Variants in TEAD1 observed in about 807,000 individuals in gnomAD.
TEAD1 encodes transcriptional enhancer factor TEF-1.
In TEAD1, 9 loss-of-function variants were observed where a neutral mutation model predicts 54.9. That is an observed-to-expected ratio of 0.16 (90% CI 0.10 to 0.29). The LOEUF (loss-of-function observed/expected upper bound fraction) is 0.29. Among genes scored for constraint, TEAD1 ranks in the 10% least tolerant of loss-of-function variants. The probability of loss-of-function intolerance (pLI) is 1.00; values close to 1 mark genes in which losing one functional copy is unlikely to be tolerated. For synonymous variants in TEAD1, 200 were observed against 187.8 expected (o/e 1.07, Z -0.53); for missense variants, 387 against 535.9 (o/e 0.72, Z 2.74).
chr11:12,834,462 G>A (rs1650380528), intron 3 of TEAD1, among the ~76,000 whole-genome samples: 1 of 152,154 alleles, frequency 6.6e-6, no homozygotes, highest in African/African-American at 2.4e-5. Context: ...TTGGTCTGAG[G>A]CTGTTTCCTC....
chr11:12,857,537 G>A (rs191663050), intron 3 of TEAD1, among the ~76,000 whole-genome samples: 19 of 151,120 alleles, frequency 1.3e-4, no homozygotes, highest in Non-Finnish European at 2.2e-4. Flanking sequence ...CATTTTTGTA[G>A]CATCAGGTTT....
At chr11:12,696,316 G>A (rs758321434) in intron 2 of TEAD1, among the ~76,000 whole-genome samples, 3 of 152,212 alleles carry the variant, frequency 2.0e-5, no homozygotes, top group Non-Finnish European at 4.4e-5. Context: ...GCCAAGTTGA[G>A]TTAAACTCTG....
At chr11:12,874,061 A>G (rs1038824010) in intron 5 of TEAD1, among the ~76,000 whole-genome samples, 15 of 152,230 alleles carry the variant, frequency 9.9e-5, no homozygotes, top group Non-Finnish European at 4.4e-5. Flanking sequence ...TTCTATATGA[A>G]TAAATTACAT....
At chr11:12,717,416 C>T (rs1336060064) in intron 2 of TEAD1, among the ~76,000 whole-genome samples, 1 of 152,156 alleles carries the variant, frequency 6.6e-6, no homozygotes, top group Non-Finnish European at 1.5e-5. Context: ...AGAAGATGTG[C>T]TGTGTAAGGT....
intron 2 of TEAD1, among the ~76,000 whole-genome samples, chr11:12,693,314 A>G (rs577564884): frequency 5.0e-4 from 76 of 152,360 alleles, no homozygotes; most frequent in South Asian, 1.9e-3. Context: ...GCAGAGGATG[A>G]TTTAAGAGAA....
intron 3 of TEAD1, among the ~76,000 whole-genome samples, chr11:12,765,250 A>G (rs1487696508): frequency 1.3e-5 from 2 of 152,162 alleles, no homozygotes; most frequent in African/African-American, 2.4e-5. Flanking sequence ...ACTTCCTTCC[A>G]TAAATGCTTC....
chr11:12,749,294 T>C (rs954952499), intron 2 of TEAD1, among the ~76,000 whole-genome samples: 2 of 152,148 alleles, frequency 1.3e-5, no homozygotes, highest in Admixed American at 6.5e-5. Flanking sequence ...TAATTGGAAA[T>C]GGATTACATT....
chr11:12,896,778 A>C (rs1948322214), intron 9 of TEAD1, among the ~76,000 whole-genome samples: 1 of 152,204 alleles, frequency 6.6e-6, no homozygotes, highest in African/African-American at 2.4e-5. Context: ...TCGAGGTAAT[A>C]AGCTTGCTCT....
At chr11:12,856,848 G>T (rs1339624524) in intron 3 of TEAD1, among the ~76,000 whole-genome samples, 1 of 152,118 alleles carries the variant, frequency 6.6e-6, no homozygotes, top group Non-Finnish European at 1.5e-5. Flanking sequence ...CACGGCCAGG[G>T]AAGAGAAGCA....
At chr11:12,722,649 CTTT>C (rs5789737) in intron 2 of TEAD1, among the ~76,000 whole-genome samples, 6,254 of 140,124 alleles carry the variant, frequency 0.045, 463 homozygotes, top group African/African-American at 0.15. Flanking sequence ...CTCTCTCTTT[CTTT>C]TTTTTTTTTT....
rs111781492 is a variant in TEAD1, at chr11:12,705,543, G to C, written c.-55+29982G>C. On this transcript the variant is annotated intron_variant, in intron 2 of 12. Coordinates refer to ENST00000527636, the MANE Select transcript of TEAD1 (RefSeq NM_021961.6). The stretch of plus-strand genomic sequence containing the variant: ...GTGAGTTTATGCCAGGCAAACATGA[G>C]TAAAACCAATTCCTTCCAACACTTG... Among the ~76,000 whole-genome samples the C allele has an allele frequency of 5.2e-3, 787 of 152,136 alleles. 8 individuals carry two copies. The highest frequency in any genetic ancestry group is 0.018 in the African/African-American group (743 of 41,480).
At chr11:12,851,291 T>C (rs73427629) in intron 3 of TEAD1, among the ~76,000 whole-genome samples, 5,292 of 152,276 alleles carry the variant, frequency 0.035, 340 homozygotes, top group African/African-American at 0.12. Context: ...GTAGCAGATA[T>C]GCGTCTAGAG....
intron 3 of TEAD1, among the ~76,000 whole-genome samples, chr11:12,775,250 CT>C (rs1300006316): frequency 1.2e-4 from 18 of 152,070 alleles, no homozygotes; most frequent in Non-Finnish European, 2.2e-4. Flanking sequence ...CCAGGGCAGA[CT>C]TTTAGAGATC....
Position 12,937,158 on chromosome 11 carries a change from T to A in TEAD1, c.1217T>A (p.Val406Glu). ...GAAACTCTACTCTGCATGGCCTGTG[T>A]GTTTGAAGTTTCAAATAGTGAACAC... The change falls in exon 13 of 13, where the codon GTG (valine) becomes GAG (glutamate). Residue 406 changes from valine to glutamate, a missense_variant. By Grantham distance (121) the Val-to-Glu change is moderately radical (BLOSUM62 -2). Around this residue, in one of 5 missense-constraint regions of TEAD1, gnomAD observed 123 missense variants for 199.0 expected, o/e 0.62. Transcript: ENST00000527636. 6.2e-7 allele frequency: 1 copy of A among 1,614,090 alleles called. No homozygotes were observed. Among genetic ancestry groups the A allele is most frequent in the Non-Finnish European group, 8.5e-7 (1 of 1,180,000 alleles).
chr11:12,915,975 T>A (rs1948705011), intron 10 of TEAD1, among the ~76,000 whole-genome samples: 1 of 152,218 alleles, frequency 6.6e-6, no homozygotes, highest in Non-Finnish European at 1.5e-5. Context: ...AGAAGGATGA[T>A]TTGGGAAAGA....
At chr11:12,899,162 T>C (rs1948374729) in intron 9 of TEAD1, among the ~76,000 whole-genome samples, 1 of 152,116 alleles carries the variant, frequency 6.6e-6, no homozygotes, top group African/African-American at 2.4e-5. Flanking sequence ...TCTCATGCCT[T>C]CCATAAACTC....
chr11:12,892,886 A>T (rs947802061), intron 9 of TEAD1, among the ~76,000 whole-genome samples: 1 of 152,146 alleles, frequency 6.6e-6, no homozygotes, highest in Non-Finnish European at 1.5e-5. Context: ...CCTGTAATTC[A>T]GGGCTTGGAA....
chr11:12,906,106 A>G (rs1948513531), intron 10 of TEAD1, among the ~76,000 whole-genome samples: 1 of 152,114 alleles, frequency 6.6e-6, no homozygotes, highest in Non-Finnish European at 1.5e-5. Context: ...GTACCCCTCT[A>G]CCATATAAGC....
At chr11:12,689,963 G>A (rs140592768) in intron 2 of TEAD1, among the ~76,000 whole-genome samples, 227 of 152,064 alleles carry the variant, frequency 1.5e-3, no homozygotes, top group African/African-American at 5.2e-3. Flanking sequence ...AATGTTGGCC[G>A]GGCACGGTGG....
Sources: allele counts gnomAD v4.1 joint callset (sites outside exome capture counted in the v4.1 genomes callset), GRCh38; gene constraint gnomAD v4.1.1; regional missense constraint gnomAD v4.1.1; transcripts MANE v1.5; gene names NCBI Gene and HGNC (gene_info 2026-07-23, HGNC 2026-07-21).